Variants in SETD3 observed in about 807,000 individuals in gnomAD.
SETD3 encodes actin-histidine N-methyltransferase.
Under a neutral mutation model 63.0 loss-of-function variants are expected in SETD3, and 19 were observed. The observed-to-expected ratio is 0.30, with a 90% CI of 0.21 to 0.44. The LOEUF (loss-of-function observed/expected upper bound fraction) is 0.44. Among genes scored for constraint, SETD3 ranks in the 20% least tolerant of loss-of-function variants. SETD3 has a pLI of 1.00. For synonymous variants in SETD3, 286 were observed against 264.1 expected (o/e 1.08, Z -0.80); for missense variants, 587 against 728.5 (o/e 0.81, Z 2.24).
intron 6 of SETD3, among the ~76,000 whole-genome samples, chr14:99,447,691 A>G (rs1391040264): frequency 1.3e-5 from 2 of 152,246 alleles, no homozygotes; most frequent in African/African-American, 4.8e-5. Context: ...TGATGTCCTA[A>G]GTCCTAGTTT....
Position 99,413,857 on chromosome 14 carries a change from ACT to A in SETD3, c.734+17_734+18del. On this transcript the variant is annotated intron_variant, in intron 7 of 12. Coordinates refer to ENST00000331768, the MANE Select transcript of SETD3 (RefSeq NM_032233.3). ...GAAACCACCCTCAATACACAGACAC[ACT>A]CACAGCCCACACCAACCTGTAGTCC... 6.2e-7 allele frequency: 1 copy of A among 1,613,424 alleles called. No individual in the cohort carries two copies. Among genetic ancestry groups the A allele is most frequent in the Non-Finnish European group, 8.5e-7 (1 of 1,179,480 alleles).
At chr14:99,456,753 T>C (rs1218498930) in intron 6 of SETD3, among the ~76,000 whole-genome samples, 1 of 152,202 alleles carries the variant, frequency 6.6e-6, no homozygotes, top group African/African-American at 2.4e-5. Context: ...CTCACAGCCA[T>C]TGAAAAACTC....
intron 8 of SETD3, among the ~76,000 whole-genome samples, chr14:99,410,905 G>C (rs1422681226): frequency 1.3e-5 from 2 of 152,190 alleles, no homozygotes; most frequent in Non-Finnish European, 2.9e-5. Context: ...GTGATAGTCA[G>C]GGTAGACTGA....
At position 99,446,165 on chromosome 14, in the gene SETD3, G is replaced by A. The variant is rs139555554; in HGVS notation, c.675+12114C>T. Among the ~76,000 whole-genome samples, 256 of 152,270 alleles carry A rather than the reference G, an allele frequency of 1.7e-3. 1 individual carries two copies. The highest frequency in any genetic ancestry group is 5.9e-3 in the African/African-American group (246 of 41,544). ...GCTTCCTCACTTATAAAATGGGGAC[G>A]GTGCCCAGCTCTGGAGGAACAGCGA... On this transcript the variant is annotated intron_variant, in intron 6 of 12. Coordinates refer to ENST00000331768, the MANE Select transcript of SETD3 (RefSeq NM_032233.3).
intron 1 of SETD3, among the ~76,000 whole-genome samples, chr14:99,470,592 G>A (rs1169095470): frequency 6.6e-6 from 1 of 152,138 alleles, no homozygotes; most frequent in Non-Finnish European, 1.5e-5. Context: ...CCTCCCCACT[G>A]GCTGGGTCTA....
intron 3 of SETD3, among the ~76,000 whole-genome samples, chr14:99,462,952 T>C (rs1566729694): frequency 1.3e-5 from 2 of 152,220 alleles, no homozygotes; most frequent in Non-Finnish European, 2.9e-5. Flanking sequence ...ACAATAGGTA[T>C]AGTGAATGAG....
chr14:99,399,839 C>A (rs1169979440), intron 12 of SETD3, among the ~76,000 whole-genome samples: 3 of 151,040 alleles, frequency 2.0e-5, no homozygotes, highest in Non-Finnish European at 4.4e-5. Context: ...CAACCTCCGC[C>A]TCCTGGGTTC....
At chr14:99,450,142 G>A (rs1028145371) in intron 6 of SETD3, among the ~76,000 whole-genome samples, 1 of 152,278 alleles carries the variant, frequency 6.6e-6, no homozygotes, top group Non-Finnish European at 1.5e-5. Context: ...AGTGCTAAAG[G>A]ACACGTAGCT....
chr14:99,482,787 G>GA (rs1450169680), upstream of SETD3, among the ~76,000 whole-genome samples: 2 of 152,182 alleles, frequency 1.3e-5, no homozygotes, highest in Admixed American at 1.3e-4. Flanking sequence ...ATGTCATAAA[G>GA]AAAAATTGGT....
chr14:99,426,293 C>T (rs1216769678), intron 6 of SETD3, among the ~76,000 whole-genome samples: 2 of 152,252 alleles, frequency 1.3e-5, no homozygotes, highest in Non-Finnish European at 2.9e-5. Context: ...TCATGGATTT[C>T]ATTCATTCAT....
chr14:99,481,145 C>A, upstream of SETD3: 1 of 341,492 alleles, frequency 2.9e-6, no homozygotes, highest in Non-Finnish European at 5.3e-6. Flanking sequence ...CCCGCCTACG[C>A]GCCCAAGTTC....
At chr14:99,457,362 C>T (rs1894818975) in intron 6 of SETD3, among the ~76,000 whole-genome samples, 1 of 152,168 alleles carries the variant, frequency 6.6e-6, no homozygotes, top group African/African-American at 2.4e-5. Context: ...CTGAGTGTAA[C>T]ATTCTTGTGT....
In SETD3 at chr14:99,463,494, T is replaced by C; in HGVS notation, c.188A>G (p.Lys63Arg). 1 of 1,612,310 alleles carries C rather than the reference T, an allele frequency of 6.2e-7. No homozygotes were observed. Among genetic ancestry groups the C allele is most frequent in the Non-Finnish European group, 8.5e-7 (1 of 1,178,854 alleles). Residue 63 changes from lysine to arginine, a missense_variant, in exon 3 of 13, where the codon AAG becomes AGG. Coordinates refer to ENST00000331768, the MANE Select transcript of SETD3 (RefSeq NM_032233.3). ...IRTLVEKIRK[K>R]QKGLSVTFDG... ...CATTCTAGCAATTTTACCTTTTTGCTTTTTCCGTATTTTCTCAACCAGAGT... is the reference window on the plus strand; with the variant it reads ...CATTCTAGCAATTTTACCTTTTTGCCTTTTCCGTATTTTCTCAACCAGAGT...
At chr14:99,410,197 C>G in intron 8 of SETD3, 1 of 1,613,380 alleles carries the variant, frequency 6.2e-7, no homozygotes, top group South Asian at 1.1e-5. Context: ...ACAGCAAGAG[C>G]GAAGGAATCT....
In SETD3 at chr14:99,470,957, C is replaced by T. The variant is rs574783502; in HGVS notation, c.-8-5144G>A. ...CATTCCCTGACATACACACTCTTCG[C>T]TCTGTTACTTCAGCCGAAATGCCCT... is the stretch of plus-strand genomic sequence containing the variant. On this transcript the variant is annotated intron_variant, in intron 1 of 12. Transcript: ENST00000331768. Among the ~76,000 whole-genome samples, 4 of 152,304 alleles carry T rather than the reference C, an allele frequency of 2.6e-5. No individual in the cohort carries two copies. The South Asian group carries it at 8.3e-4, about 32-fold the overall frequency.
At chr14:99,471,071 C>T (rs1365963129) in intron 1 of SETD3, among the ~76,000 whole-genome samples, 1 of 152,196 alleles carries the variant, frequency 6.6e-6, no homozygotes, top group Non-Finnish European at 1.5e-5. Flanking sequence ...CACCACACTT[C>T]CACAGCACAG....
intron 9 of SETD3, 23 bp downstream of exon 9, chr14:99,406,493 T>C (rs981579552): frequency 1.9e-6 from 3 of 1,611,576 alleles, no homozygotes; most frequent in Admixed American, 1.7e-5. Context: ...GGCTCACATT[T>C]TGTGAGATGC....
intron 6 of SETD3, among the ~76,000 whole-genome samples, chr14:99,453,107 G>A (rs549429918): frequency 1.3e-5 from 2 of 152,296 alleles, no homozygotes; most frequent in East Asian, 3.9e-4. Flanking sequence ...GGGAACTGAT[G>A]TAATAATCCT....
chr14:99,408,079 A>G (rs1891784663), intron 8 of SETD3, among the ~76,000 whole-genome samples: 1 of 152,202 alleles, frequency 6.6e-6, no homozygotes, highest in Non-Finnish European at 1.5e-5. Flanking sequence ...CACAGCAGCT[A>G]CAAGTGCTCC....
Sources: gnomAD v4.1 joint callset for allele counts (sites outside exome capture counted in the v4.1 genomes callset) on GRCh38, gnomAD v4.1.1 for gene constraint, MANE v1.5 for transcripts, NCBI Gene and HGNC (gene_info 2026-07-23, HGNC 2026-07-21) for gene names.